TFIP11: variants seen among roughly 807,000 people sequenced by gnomAD.
TFIP11 encodes tuftelin-interacting protein 11.
A neutral mutation model predicts 96.8 loss-of-function variants in TFIP11; 86 were observed. That is an observed-to-expected ratio of 0.89 (90% CI 0.75 to 1.06). TFIP11 has a LOEUF of 1.06. Ranked by LOEUF, TFIP11 falls within the 50% of genes least tolerant of loss-of-function variation. TFIP11 has a pLI of 0.00. For synonymous variants in TFIP11, 405 were observed against 395.2 expected (o/e 1.02, Z -0.29); for missense variants, 881 against 1,076.7 (o/e 0.82, Z 2.54).
intron 6 of TFIP11, chr22:26,505,816 T>G (rs1193524378): frequency 1.3e-5 from 2 of 152,224 alleles, no homozygotes; most frequent in African/African-American, 4.8e-5. Flanking sequence ...GTTCAAGCGA[T>G]TCTCCTGCCT....
At chr22:26,498,348 T>C (rs570573748) in intron 10 of TFIP11, among the ~76,000 whole-genome samples, 1 of 152,094 alleles carries the variant, frequency 6.6e-6, no homozygotes, top group South Asian at 2.1e-4. Flanking sequence ...ATTGAGATCA[T>C]TCTGGCCAAC....
At position 26,492,319 on chromosome 22, in the gene TFIP11, G is replaced by A. The variant is rs756024698; in HGVS notation, c.2208C>T (p.His736=). 2.5e-6 allele frequency: 4 copies of A among 1,614,090 alleles called. No individual in the cohort carries two copies. The African/African-American group carries it at 4.0e-5, about 16-fold the overall frequency. ...ACTGGAAGTCCTTCCTCCGCTCCGT[G>A]TGGGTGAGATAGGCAATGTTCTCCC... ...GARENIAYLT[H]TERRKDFQYE... The change falls in exon 15 of 15, where the codon CAC becomes CAT. Residue 736 remains histidine (H), a synonymous_variant. Coordinates refer to ENST00000407690, the MANE Select transcript of TFIP11 (RefSeq NM_012143.4).
Position 26,506,931 on chromosome 22 carries a change from G to A in TFIP11, c.210-3C>T. 1 of 1,613,466 alleles carries A rather than the reference G, an allele frequency of 6.2e-7. No individual in the cohort carries two copies. The highest frequency in any genetic ancestry group is 1.3e-5 in the African/African-American group (1 of 75,028). ...CTGGCGCAGAGTAGTCACGGGCCCT[G>A]TAGGCACAGAAACAAAGCCCCACCA... On this transcript the variant is annotated splice_region_variant and splice_polypyrimidine_tract_variant and intron_variant, in intron 4 of 14. Transcript: ENST00000407690.
At position 26,512,470 on chromosome 22, in the gene TFIP11, A is replaced by G. The variant is rs1398315964; in HGVS notation, c.-249T>C. ...ACGCCGCTCCTACACCAGAACCCGGAAGCACCGTGGCCGGCGCGCCGGAAA... is the reference window on the plus strand; with the variant it reads ...ACGCCGCTCCTACACCAGAACCCGGGAGCACCGTGGCCGGCGCGCCGGAAA... On this transcript the variant is annotated 5_prime_UTR_variant, in exon 1 of 15. Transcript: ENST00000407690. The G allele has an allele frequency of 6.6e-6, 1 of 152,272 alleles. No individual in the cohort carries two copies. Among genetic ancestry groups the G allele is most frequent in the Non-Finnish European group, 1.5e-5 (1 of 68,110 alleles). The allele number at this position is 152,272 out of a possible 1,614,324, so 9.4% of individuals were successfully genotyped here.
rs1055672866 is a variant in TFIP11 at position 26,491,591 on chromosome 22, T to G, written c.*422A>C. The stretch of plus-strand genomic sequence containing the variant: ...AGCTCTCCATAGATATTTGGGAGTT[T>G]CGGGAAGAACCAGATTATCAGGACT... On this transcript the variant is annotated 3_prime_UTR_variant, in exon 15 of 15. Transcript: ENST00000407690. The G allele has an allele frequency of 1.2e-6, 2 of 1,614,218 alleles. No individual in the cohort carries two copies.
intron 12 of TFIP11, among the ~76,000 whole-genome samples, chr22:26,495,591 C>T (rs1317349725): frequency 1.5e-4 from 7 of 45,360 alleles, no homozygotes; most frequent in Admixed American, 5.0e-4. Context: ...TGTGTGTATA[C>T]ATATATACAT....
intron 7 of TFIP11, among the ~76,000 whole-genome samples, chr22:26,502,264 C>T (rs1922894095): frequency 1.3e-5 from 2 of 152,110 alleles, no homozygotes; most frequent in African/African-American, 4.8e-5. Flanking sequence ...TAATGAGGTT[C>T]AGAAGGCAGG....
chr22:26,496,572 A>G, intron 11 of TFIP11, 149 bp downstream of exon 11: 1 of 1,132,068 alleles, frequency 8.8e-7, no homozygotes, highest in Non-Finnish European at 1.2e-6. Flanking sequence ...TGCTGAGAAA[A>G]AGGCTGGAAT....
At position 26,499,593 on chromosome 22, in the gene TFIP11, G is replaced by A. The variant is rs770608791; in HGVS notation, c.840C>T (p.Tyr280=). 22 of 1,613,680 alleles carry A rather than the reference G, an allele frequency of 1.4e-5. No individual in the cohort carries two copies. The highest frequency in any genetic ancestry group is 1.8e-5 in the Non-Finnish European group (21 of 1,179,904). The change falls in exon 9 of 15, where the codon TAC becomes TAT. Residue 280 remains tyrosine (Y), a synonymous_variant. Coordinates refer to ENST00000407690, the MANE Select transcript of TFIP11 (RefSeq NM_012143.4). ...GCTTGTGGCTGATCTGACTGTAGCT[G>A]TAGTAGACCTTCTGCTCCCGGCCTG... ...DMTGREQKVY[Y]SYSQISHKHN...
rs201335417 is a variant in TFIP11, at chr22:26,503,725, G to C, written c.589C>G (p.Arg197Gly). ...KGAVGAYGSE[R>G]TTQSMQDFPV... ...AAGTCTTGCATGGACTGAGTGGTGCGCTCGGATCCATAAGCCCCCACAGCA... is the reference window on the plus strand; with the variant it reads ...AAGTCTTGCATGGACTGAGTGGTGCCCTCGGATCCATAAGCCCCCACAGCA... Residue 197 changes from arginine to glycine, a missense_variant, in exon 7 of 15, where the codon CGC becomes GGC. Transcript: ENST00000407690. 1 of 1,613,764 alleles carries C rather than the reference G, an allele frequency of 6.2e-7. No homozygotes were observed. The highest frequency in any genetic ancestry group is 1.7e-5 in the Admixed American group (1 of 59,962).
chr22:26,496,651 A>G (rs1922093724), intron 11 of TFIP11, 70 bp downstream of exon 11: 2 of 1,557,498 alleles, frequency 1.3e-6, no homozygotes, highest in African/African-American at 2.7e-5. Flanking sequence ...GCACTGAGAT[A>G]ATGAAGCCAC....
intron 4 of TFIP11, among the ~76,000 whole-genome samples, chr22:26,509,725 G>A (rs567597220): frequency 1.1e-4 from 17 of 152,102 alleles, no homozygotes; most frequent in Admixed American, 7.2e-4. Context: ...AGGTGGTGGC[G>A]TTTGCTTGTA....
Position 26,496,194 on chromosome 22 carries a change from G to A in TFIP11, c.1728C>T (p.Ser576=), listed in dbSNP as rs973001829. The part of the protein sequence containing the change: ...LYSPIRSKLS[S]ALQKWHPSDS... Reference sequence around the variant, plus strand: ...CGCTGGGGTGCCACTTCTGCAGGGCGCTGGACAGCTTACTACGGATGGGGG... The same window carrying A: ...CGCTGGGGTGCCACTTCTGCAGGGCACTGGACAGCTTACTACGGATGGGGG... Residue 576 remains serine (S), a synonymous_variant, in exon 12 of 15, where the codon AGC becomes AGT. Coordinates refer to ENST00000407690, the MANE Select transcript of TFIP11 (RefSeq NM_012143.4). 1.1e-5 allele frequency: 17 copies of A among 1,613,834 alleles called. No homozygotes were observed. The highest frequency in any genetic ancestry group is 6.7e-5 in the African/African-American group (5 of 74,920).
intron 7 of TFIP11, among the ~76,000 whole-genome samples, chr22:26,502,785 T>C (rs1179289402): frequency 1.3e-5 from 2 of 152,192 alleles, no homozygotes; most frequent in African/African-American, 2.4e-5. Context: ...AACAATCACC[T>C]AGAGCTGAAT....
At position 26,503,782 on chromosome 22, in the gene TFIP11, G is replaced by T; in HGVS notation, c.532C>A (p.Pro178Thr). 1 of 1,613,110 alleles carries T rather than the reference G, an allele frequency of 6.2e-7. No homozygotes were observed. Among genetic ancestry groups the T allele is most frequent in the Non-Finnish European group, 8.5e-7 (1 of 1,179,786 alleles). ...CCCTTTCTCTGCTTGGCTTCAATTGGGTTAATGATACCTGAGGAATTTCAG... is the reference window on the plus strand; with the variant it reads ...CCCTTTCTCTGCTTGGCTTCAATTGTGTTAATGATACCTGAGGAATTTCAG... ...LGKNAQGIIN[P>T]IEAKQRKGKG... Residue 178 changes from proline (P) to threonine (T), a missense_variant, in exon 7 of 15, where the codon CCA (proline) becomes ACA (threonine). By Grantham distance (38) the Pro-to-Thr change is conservative. Transcript: ENST00000407690.
chr22:26,504,511 C>T (rs1923174164), intron 6 of TFIP11, among the ~76,000 whole-genome samples: 1 of 151,786 alleles, frequency 6.6e-6, no homozygotes, highest in African/African-American at 2.4e-5. Context: ...TAGTAAGACC[C>T]CATCTACAAA....
rs759596493 is a variant in TFIP11, at chr22:26,496,099, A to G, written c.1823T>C (p.Met608Thr). ...CAGCTTGGGCACTATGTTTTTGACC[A>G]TGAATGCTTCCCAGGAGCCAGGAGT... is the stretch of plus-strand genomic sequence containing the variant. The part of the protein sequence containing the change: ...VFTPGSWEAF[M>T]VKNIVPKLGM... Residue 608 changes from methionine to threonine, a missense_variant, in exon 12 of 15, where the codon ATG becomes ACG. By Grantham distance (81) the Met-to-Thr change is moderately conservative. Transcript: ENST00000407690. 2 of 1,613,830 alleles carry G rather than the reference A, an allele frequency of 1.2e-6. No individual in the cohort carries two copies. Among genetic ancestry groups the G allele is most frequent in the African/African-American group, 1.3e-5 (1 of 75,030 alleles).
intron 6 of TFIP11, among the ~76,000 whole-genome samples, chr22:26,505,711 T>C (rs921963332): frequency 2.8e-5 from 3 of 108,342 alleles, no homozygotes; most frequent in Admixed American, 9.1e-5. Context: ...TATTTATTTA[T>C]TTATTTATTT....
intron 10 of TFIP11, among the ~76,000 whole-genome samples, chr22:26,498,541 C>CAAAAAAAAAA: frequency 1.2e-5 from 1 of 83,604 alleles, no homozygotes; most frequent in Non-Finnish European, 2.4e-5. Context: ...GACTCCATCT[C>CAAAAAAAAAA]AAAAAAAAAA....
Sources: allele counts gnomAD v4.1 joint callset (sites outside exome capture counted in the v4.1 genomes callset), GRCh38; gene constraint gnomAD v4.1.1; transcripts MANE v1.5; gene names NCBI Gene and HGNC (gene_info 2026-07-23, HGNC 2026-07-21).